Variants in METTL8 observed in about 807,000 individuals in gnomAD.
The protein encoded by METTL8 is tRNA N(3)-cytidine methyltransferase METTL8, mitochondrial.
METTL8 carries 32 observed loss-of-function variants against 48.7 expected under a neutral mutation model. The ratio of observed to expected loss-of-function variants is 0.66; its 90% CI spans 0.50 to 0.88. The LOEUF is 0.88. METTL8 is among the 40% of genes least tolerant of loss of function. The pLI, the probability that METTL8 is intolerant of heterozygous loss-of-function variation, is 0.00. For synonymous variants in METTL8, 136 were observed against 157.1 expected, an observed-to-expected ratio of 0.87 and a Z score of 1.01; for missense variants, 464 against 474.4, an observed-to-expected ratio of 0.98 and a Z score of 0.20.
At chr2:171,366,888 CAAAAA>C (rs35179830) in intron 2 of METTL8, among the ~76,000 whole-genome samples, 1 of 61,014 alleles carries the variant, frequency 1.6e-5, no homozygotes. Context: ...GACCCTGTCT[CAAAAA>C]AAAAAAAAAA....
At chr2:171,366,306 A>C (rs1461605188) in intron 2 of METTL8, among the ~76,000 whole-genome samples, 1 of 152,186 alleles carries the variant, frequency 6.6e-6, no homozygotes, top group Non-Finnish European at 1.5e-5. Flanking sequence ...TAGGAACAAG[A>C]ACCACACTAG....
In METTL8 at chr2:171,337,496, A is replaced by G; in HGVS notation, c.613T>C (p.Cys205Arg). The G allele has an allele frequency of 6.2e-7, 1 of 1,605,330 alleles. No homozygotes were observed. Among genetic ancestry groups the G allele is most frequent in the Non-Finnish European group, 8.5e-7 (1 of 1,175,742 alleles). ...GGAAACACACTATTTCCAGCTCCAC[A>G]ACCAACCTAAAATCAAAAGAACAAG... ...NATFRILEVG[C>R]GAGNSVFPIL... Residue 205 changes from cysteine to arginine, a missense_variant, in exon 5 of 10, where the codon TGT becomes CGT. Coordinates refer to ENST00000375258, the MANE Select transcript of METTL8 (RefSeq NM_001321154.2).
chr2:171,407,181 G>A (rs938894603), intron 1 of METTL8, among the ~76,000 whole-genome samples: 1 of 152,094 alleles, frequency 6.6e-6, no homozygotes, highest in Non-Finnish European at 1.5e-5. Context: ...GGAGCTGATG[G>A]ACTTAAAGTG....
intron 3 of METTL8, among the ~76,000 whole-genome samples, chr2:171,355,110 T>C (rs1281161902): frequency 1.3e-5 from 2 of 152,232 alleles, no homozygotes; most frequent in Admixed American, 6.5e-5. Flanking sequence ...TTATCTACCT[T>C]TGGTCTTCGA....
At chr2:171,331,967 C>T (rs771096104) in intron 5 of METTL8, 100 bp from the exon 6 acceptor site, 1 of 780,520 alleles carries the variant, frequency 1.3e-6, no homozygotes. Flanking sequence ...CTCACTATAA[C>T]CTTGAGCTCC....
rs533313085 is a variant in METTL8 at position 171,335,653 on chromosome 2, G to C, written c.656+1800C>G. The stretch of plus-strand genomic sequence containing the variant: ...TTGGCCAGGCTGGTCTCAAACTCCT[G>C]ACCTCAAGTGATCTGCCTGCCTCGT... On this transcript the variant is annotated intron_variant, in intron 5 of 9. Coordinates refer to ENST00000375258, the MANE Select transcript of METTL8 (RefSeq NM_001321154.2). 4.8e-4 allele frequency among the ~76,000 whole-genome samples: 73 copies of C among 152,264 alleles called. 1 individual carries two copies. The highest frequency in any genetic ancestry group is 7.9e-4 in the Non-Finnish European group (54 of 68,014).
At chr2:171,383,225 G>T (rs1272408681) in intron 2 of METTL8, among the ~76,000 whole-genome samples, 1 of 151,962 alleles carries the variant, frequency 6.6e-6, no homozygotes, top group East Asian at 1.9e-4. Context: ...AGAATTCTTG[G>T]GATATGAACC....
chr2:171,434,594 A>C, upstream of METTL8: 1 of 1,527,924 alleles, frequency 6.5e-7, no homozygotes, highest in Non-Finnish European at 8.7e-7. Flanking sequence ...CCGACCCGGA[A>C]GCCCAACGTG....
chr2:171,391,629 A>G (rs1688586695), intron 2 of METTL8, among the ~76,000 whole-genome samples: 1 of 152,200 alleles, frequency 6.6e-6, no homozygotes, highest in East Asian at 1.9e-4. Flanking sequence ...GAATCATACC[A>G]ATATGATCTC....
At chr2:171,326,302 G>A in intron 7 of METTL8, 154 bp from the exon 8 acceptor site, 1 of 546,538 alleles carries the variant, frequency 1.8e-6, no homozygotes, top group Non-Finnish European at 3.2e-6. Context: ...AAAATATTTT[G>A]TAAAGAAGAA....
intron 3 of METTL8, among the ~76,000 whole-genome samples, chr2:171,356,948 C>A (rs1184633815): frequency 9.2e-3 from 81 of 8,824 alleles, no homozygotes; most frequent in Non-Finnish European, 0.018. Flanking sequence ...TGTTCAAAGA[C>A]AATATTTTTT....
intron 2 of METTL8, among the ~76,000 whole-genome samples, chr2:171,363,707 G>C (rs1186586736): frequency 6.8e-6 from 1 of 147,796 alleles, no homozygotes; most frequent in Non-Finnish European, 1.5e-5. Context: ...ATATTATGCA[G>C]ACATTAAGAT....
At chr2:171,404,349 C>G (rs73976153) in intron 1 of METTL8, among the ~76,000 whole-genome samples, 3 of 151,866 alleles carry the variant, frequency 2.0e-5, no homozygotes, top group African/African-American at 7.2e-5. Context: ...ATCTGAAGGA[C>G]GATCAGCTGC....
intron 1 of METTL8, among the ~76,000 whole-genome samples, chr2:171,422,360 T>C (rs1206609440): frequency 2.0e-5 from 3 of 152,202 alleles, no homozygotes; most frequent in Non-Finnish European, 2.9e-5. Flanking sequence ...GACTGAAGAC[T>C]TAAGTGGGAA....
chr2:171,325,873 C>T lies in METTL8; in HGVS notation c.1001G>A (p.Gly334Glu), dbSNP rs1160102565. 2 of 1,600,876 alleles carry T rather than the reference C, an allele frequency of 1.2e-6. No individual in the cohort carries two copies. Among genetic ancestry groups the T allele is most frequent in the South Asian group, 2.2e-5 (2 of 89,350 alleles). Residue 334 changes from glycine (G) to glutamate (E), a missense_variant, in exon 9 of 10, where the codon GGA (glycine) becomes GAA (glutamate). Gly to Glu is a moderately conservative substitution (Grantham distance 98, BLOSUM62 -2). Coordinates refer to ENST00000375258, the MANE Select transcript of METTL8 (RefSeq NM_001321154.2). ...HCLSENFYVR[G>E]DGTRAYFFTK... ...AAAGAAATATGCTCTGGTACCATCT[C>T]CTCGAACATAAAAATTTTCAGATAA...
chr2:171,370,769 C>G (rs1426285425), intron 2 of METTL8, among the ~76,000 whole-genome samples: 1 of 152,104 alleles, frequency 6.6e-6, no homozygotes, highest in Non-Finnish European at 1.5e-5. Flanking sequence ...CCAGCCTGGG[C>G]AACAGAGTGA....
Position 171,335,445 on chromosome 2 carries a change from CAG to C in METTL8, c.656+2006_656+2007del, listed in dbSNP as rs921486142. Among the ~76,000 whole-genome samples the C allele has an allele frequency of 2.0e-5, 3 of 152,188 alleles. No homozygotes were observed. The South Asian group carries it at 6.2e-4, about 32-fold the overall frequency. On this transcript the variant is annotated intron_variant, in intron 5 of 9. Transcript: ENST00000375258. ...TTAATTAAAAAAATTTTTTTTGAGA[CAG>C]AGTCTCTTGCTCTGTCACCCAGGCT...
At chr2:171,434,182 C>A, upstream of METTL8, 1 of 381,262 alleles carries the variant, frequency 2.6e-6, no homozygotes. Flanking sequence ...CAGGGCCGGG[C>A]AAGCCCTCGC....
At chr2:171,402,552 T>TAATATAC (rs1689743738) in intron 1 of METTL8, among the ~76,000 whole-genome samples, 1 of 152,152 alleles carries the variant, frequency 6.6e-6, no homozygotes, top group African/African-American at 2.4e-5. Context: ...ATATTTAGCT[T>TAATATAC]AATATACATA....
Sources: allele counts gnomAD v4.1 joint callset (sites outside exome capture counted in the v4.1 genomes callset), GRCh38; gene constraint gnomAD v4.1.1; transcripts MANE v1.5; gene names NCBI Gene and HGNC (gene_info 2026-07-23, HGNC 2026-07-21).